Variants in RNF44 observed in about 807,000 individuals in gnomAD.
The protein encoded by RNF44 is ring finger protein 44.
In RNF44, 25 loss-of-function variants were observed where a neutral mutation model predicts 53.6. That is an observed-to-expected ratio of 0.47 (90% CI 0.34 to 0.65). RNF44 has a LOEUF of 0.65. Ranked by LOEUF, RNF44 falls within the 30% of genes least tolerant of loss-of-function variation. RNF44 has a pLI of 0.01. For missense variants in RNF44, 581 were observed against 595.5 expected (o/e 0.98, Z 0.25); for synonymous variants, 282 against 252.2 (o/e 1.12, Z -1.12).
At chr5:176,533,916 A>T (rs1265957800) in intron 1 of RNF44, among the ~76,000 whole-genome samples, 2 of 152,126 alleles carry the variant, frequency 1.3e-5, no homozygotes, top group Non-Finnish European at 2.9e-5. Flanking sequence ...TCCCCATCTA[A>T]CAAAACTCCT....
upstream of RNF44, among the ~76,000 whole-genome samples, chr5:176,538,685 GTGGGCCA>G (rs1184121106): frequency 7.0e-6 from 1 of 142,002 alleles, no homozygotes; most frequent in African/African-American, 2.5e-5. Flanking sequence ...AACCTGTGTG[GTGGGCCA>G]TGGGGCAGGG....
chr5:176,528,934 G>A lies in RNF44; in HGVS notation c.*94C>T. The A allele has an allele frequency of 8.0e-7, 1 of 1,245,744 alleles. No homozygotes were observed. The highest frequency in any genetic ancestry group is 1.4e-5 in the South Asian group (1 of 73,140). The allele number at this position is 1,245,744 out of a possible 1,614,324, so 77.2% of individuals were successfully genotyped here. On this transcript the variant is annotated 3_prime_UTR_variant, in exon 11 of 11. Coordinates refer to ENST00000274811, the MANE Select transcript of RNF44 (RefSeq NM_014901.5). ...AAATGCAGGCAGGAGCGAAGGGGCA[G>A]GCCTGGGCCACTCCCTCCCCATCCT...
chr5:176,541,698 C>G (rs1757451592), upstream of RNF44, among the ~76,000 whole-genome samples: 1 of 152,186 alleles, frequency 6.6e-6, no homozygotes, highest in Admixed American at 6.5e-5. Context: ...CTCACCTACC[C>G]CAGAGCCTGG....
In RNF44 at chr5:176,532,482, A is replaced by AG; in HGVS notation, c.-11dup. The AG allele has an allele frequency of 9.3e-6, 7 of 751,822 alleles. No individual in the cohort carries two copies. In the Admixed American group the frequency reaches 1.5e-4, roughly 16 times the overall value. The allele number at this position is 751,822 out of a possible 1,614,324, so 46.6% of individuals were successfully genotyped here. Reference sequence around the variant, plus strand: ...GAGCCCATGGTCGCATCGGGGGGGCAGGGGGGTGGAGGGGCTGGGCCGGGA... The same window carrying AG: ...GAGCCCATGGTCGCATCGGGGGGGCAGGGGGGGTGGAGGGGCTGGGCCGGGA... On this transcript the variant is annotated 5_prime_UTR_variant, in exon 2 of 11. Transcript: ENST00000274811.
At chr5:176,530,365 A>G (rs1756490599) in intron 6 of RNF44, among the ~76,000 whole-genome samples, 159 bp from the exon 7 acceptor site, 1 of 82,076 alleles carries the variant, frequency 1.2e-5, no homozygotes, top group Non-Finnish European at 2.5e-5. Context: ...CCCGGAGCCC[A>G]CGTGCAAGTC....
intron 1 of RNF44, chr5:176,536,018 C>CA (rs1349225253): frequency 6.6e-6 from 1 of 152,268 alleles, no homozygotes; most frequent in Non-Finnish European, 1.5e-5. Flanking sequence ...CTAAGAGCCC[C>CA]AGGGATCTGT....
Position 176,528,735 on chromosome 5 carries a change from C to A in RNF44, c.*293G>T, listed in dbSNP as rs958676714. Reference sequence around the variant, plus strand: ...GCGGACCCCTGGCACTCAGTGCCAGCAGGAAAAGGAGGGACCTGAGGGTGC... The same window carrying A: ...GCGGACCCCTGGCACTCAGTGCCAGAAGGAAAAGGAGGGACCTGAGGGTGC... On this transcript the variant is annotated 3_prime_UTR_variant, in exon 11 of 11. Transcript: ENST00000274811. 30 of 487,120 alleles carry A rather than the reference C, an allele frequency of 6.2e-5. No individual in the cohort carries two copies. Among genetic ancestry groups the A allele is most frequent in the African/African-American group, 4.1e-4 (21 of 50,830 alleles). The allele number at this position is 487,120 out of a possible 1,614,324, so 30.2% of individuals were successfully genotyped here.
At position 176,531,989 on chromosome 5, in the gene RNF44, T is replaced by A; in HGVS notation, c.297+15A>T. Reference sequence around the variant, plus strand: ...CTCACAGGGCCAGGGGCACAGGGGATGGGGTTCTGCCTACCTGCTCGTGGA... The same window carrying A: ...CTCACAGGGCCAGGGGCACAGGGGAAGGGGTTCTGCCTACCTGCTCGTGGA... On this transcript the variant is annotated intron_variant, in intron 3 of 10. Coordinates refer to ENST00000274811, the MANE Select transcript of RNF44 (RefSeq NM_014901.5). The surrounding 1 kb of genome is among the most constrained non-coding windows in gnomAD (Gnocchi z 4.2). The A allele has an allele frequency of 6.2e-7, 1 of 1,602,354 alleles. No homozygotes were observed. Among genetic ancestry groups the A allele is most frequent in the Non-Finnish European group, 8.5e-7 (1 of 1,174,344 alleles).
rs1030578882 is a variant in RNF44, at chr5:176,530,185, G to A, written c.823C>T (p.Arg275Trp). The A allele has an allele frequency of 2.3e-6, 3 of 1,326,028 alleles. No homozygotes were observed. Among genetic ancestry groups the A allele is most frequent in the East Asian group, 3.0e-5 (1 of 33,120 alleles). The allele number at this position is 1,326,028 out of a possible 1,614,324, so 82.1% of individuals were successfully genotyped here. The stretch of plus-strand genomic sequence containing the variant: ...CGGTATCTCTGGGTGCTCAGTCTCC[G>A]TGGCATCATGTGAGAATATGGCTGC... The part of the protein sequence containing the change: ...FGVPYSHMMP[R>W]RLSTQRYRLQ... The change falls in exon 7 of 11, where the codon CGG becomes TGG. Residue 275 changes from arginine to tryptophan, a missense_variant. Transcript: ENST00000274811.
intron 1 of RNF44, among the ~76,000 whole-genome samples, chr5:176,534,359 C>T (rs1245973394): frequency 3.3e-5 from 5 of 152,270 alleles, no homozygotes; most frequent in Admixed American, 1.3e-4. Flanking sequence ...GTCACCCAGG[C>T]CCAACCTCTG....
Position 176,529,348 on chromosome 5 carries a change from C to T in RNF44, c.1176G>A (p.Leu392=), listed in dbSNP as rs1294463596. ...CATGGTTGCAGGGGAGGACTCGGAG[C>T]AGCTGCCGCGCCTCGAAGTCACTGA... ...VCFSDFEARQ[L]LRVLPCNHEF... is the part of the protein sequence containing the mutation. The change falls in exon 10 of 11, where the codon CTG becomes CTA. Residue 392 remains leucine, a synonymous_variant. Transcript: ENST00000274811. 6.2e-6 allele frequency: 10 copies of T among 1,613,534 alleles called. No homozygotes were observed. The highest frequency in any genetic ancestry group is 1.1e-5 in the South Asian group (1 of 91,080).
At chr5:176,530,436 C>T in intron 6 of RNF44, 146 bp downstream of exon 6, 1 of 1,084,886 alleles carries the variant, frequency 9.2e-7, no homozygotes, top group Non-Finnish European at 1.2e-6. Context: ...CCCAGCAGGC[C>T]TGCCTCCCAG....
At chr5:176,538,427 A>G (rs1757360775), upstream of RNF44, among the ~76,000 whole-genome samples, 1 of 152,202 alleles carries the variant, frequency 6.6e-6, no homozygotes, top group Non-Finnish European at 1.5e-5. Flanking sequence ...CTTTGCCTCG[A>G]AGCCCACCCA....
rs752192761 is a variant in RNF44, at chr5:176,531,253, CA to C, written c.465+209del. On this transcript the variant is annotated intron_variant, in intron 4 of 10. Transcript: ENST00000274811. This position sits in a 1 kb window ranked among gnomAD's most constrained non-coding sequence, Gnocchi z 4.2. ...CCTCTGCCAAGCTGTGAGGCAGGTACAGGGGTACTGGAAGGTTCCTGAACCT... is the reference window on the plus strand; with the variant it reads ...CCTCTGCCAAGCTGTGAGGCAGGTACGGGGTACTGGAAGGTTCCTGAACCT... Among the ~76,000 whole-genome samples, 48 of 152,354 alleles carry C rather than the reference CA, an allele frequency of 3.2e-4. No homozygotes were observed. Among genetic ancestry groups the C allele is most frequent in the Non-Finnish European group, 5.7e-4 (39 of 68,032 alleles).
rs1333288843 is a variant in RNF44 at position 176,529,774 on chromosome 5, C to A, written c.971G>T (p.Ser324Ile). The A allele has an allele frequency of 6.2e-7, 1 of 1,611,802 alleles. No homozygotes were observed. Among genetic ancestry groups the A allele is most frequent in the Non-Finnish European group, 8.5e-7 (1 of 1,178,834 alleles). Residue 324 changes from serine to isoleucine, a missense_variant, in exon 8 of 11, where the codon AGC becomes ATC. Coordinates refer to ENST00000274811, the MANE Select transcript of RNF44 (RefSeq NM_014901.5). ...CACATCATCCACGTCCAGGTCCAGG[C>A]TGATGGTGGGCCCCATTGCTGTTGG... is the stretch of plus-strand genomic sequence containing the variant. ...MSPTAMGPTI[S>I]LDLDVDDVEM...
At chr5:176,534,551 A>G (rs763292562) in intron 1 of RNF44, among the ~76,000 whole-genome samples, 2 of 152,252 alleles carry the variant, frequency 1.3e-5, no homozygotes, top group Admixed American at 1.3e-4. Flanking sequence ...GGCCCATCCC[A>G]GTCCTCCTGG....
the RNF44 span, chr5:176,543,453 C>T: frequency 1.3e-5 from 2 of 151,890 alleles, no homozygotes; most frequent in African/African-American, 2.4e-5. This position sits in a 1 kb window ranked among gnomAD's most constrained non-coding sequence, Gnocchi z 4.0. Flanking sequence ...CTTCCAGGAC[C>T]CCCGCCCCGG....
At position 176,530,905 on chromosome 5, in the gene RNF44, GGGCT is replaced by G; in HGVS notation, c.578_581del (p.Gln193ProfsTer79). 2 of 1,394,174 alleles carry G rather than the reference GGGCT, an allele frequency of 1.4e-6. No homozygotes were observed. The highest frequency in any genetic ancestry group is 1.9e-6 in the Non-Finnish European group (2 of 1,063,714). 86.4% of individuals were successfully genotyped at this position (1,394,174 alleles called of 1,614,324 possible). A position where few individuals can be genotyped will look rare whatever the true frequency, so the allele number is the denominator to read the frequency against. On this transcript the variant is annotated frameshift_variant, in exon 5 of 11. Transcript: ENST00000274811. LOFTEE classifies it high-confidence loss of function. ...ACTGCCCCAGGGGCGCCATGTGGGT[GGGCT>G]GGGGGGGTGGGGCCGGTGGTGGGGG... is the stretch of plus-strand genomic sequence containing the variant.
At chr5:176,535,372 AAGGGTGCCACTTCC>A (rs1757059904) in intron 1 of RNF44, among the ~76,000 whole-genome samples, 1 of 152,204 alleles carries the variant, frequency 6.6e-6, no homozygotes, top group South Asian at 2.1e-4. Context: ...GCAGAGCTTG[AAGGGTGCCACTTCC>A]GGGGCAGCAG....
Sources: allele counts gnomAD v4.1 joint callset (sites outside exome capture counted in the v4.1 genomes callset), GRCh38; gene constraint gnomAD v4.1.1; non-coding constraint Gnocchi (gnomAD v3.1); transcripts MANE v1.5; gene names NCBI Gene and HGNC (gene_info 2026-07-23, HGNC 2026-07-21).